Variants in LDHC observed in about 807,000 individuals in gnomAD.
LDHC encodes L-lactate dehydrogenase C chain.
A neutral mutation model predicts 30.2 loss-of-function variants in LDHC; 20 were observed. The ratio of observed to expected loss-of-function variants is 0.66; its 90% CI spans 0.47 to 0.96. The LOEUF (loss-of-function observed/expected upper bound fraction) is 0.96. LDHC is among the 40% of genes least tolerant of loss of function. LDHC has a pLI of 0.00. For missense variants in LDHC, 362 were observed against 394.9 expected (o/e 0.92, Z 0.71); for synonymous variants, 139 against 132.7 (o/e 1.05, Z -0.32).
intron 3 of LDHC, 56 bp from the exon 4 acceptor site, chr11:18,429,681 A>T: frequency 9.8e-7 from 1 of 1,019,292 alleles, no homozygotes. Context: ...TAAGGAGTTA[A>T]GGCACAGTGG....
chr11:18,422,101 A>C (rs183935476), intron 3 of LDHC, among the ~76,000 whole-genome samples: 1 of 152,174 alleles, frequency 6.6e-6, no homozygotes, highest in East Asian at 1.9e-4. Flanking sequence ...CTCCAGCCTA[A>C]GCGATGGAGC....
At chr11:18,429,603 C>A in intron 3 of LDHC, 134 bp from the exon 4 acceptor site, 1 of 466,564 alleles carries the variant, frequency 2.1e-6, no homozygotes, top group Admixed American at 4.0e-5. Flanking sequence ...GTCCGTTCAT[C>A]TCCAAAATGC....
At chr11:18,442,943 A>G (rs543515317) in intron 6 of LDHC, among the ~76,000 whole-genome samples, 6 of 152,092 alleles carry the variant, frequency 3.9e-5, no homozygotes, top group Admixed American at 3.3e-4. Context: ...CGCAGTTTTT[A>G]TATTTCTAAA....
chr11:18,450,852 G>T (rs539722337), intron 7 of LDHC, 111 bp from the exon 8 acceptor site: 2 of 739,868 alleles, frequency 2.7e-6, no homozygotes, highest in Non-Finnish European at 4.4e-6. Context: ...CCCTCTGAGC[G>T]ATTCTTGTTG....
chr11:18,449,336 A>C (rs1848614102), intron 7 of LDHC, among the ~76,000 whole-genome samples: 1 of 140,918 alleles, frequency 7.1e-6, no homozygotes, highest in Admixed American at 7.5e-5. Flanking sequence ...CTGCAGTGGG[A>C]GGATTGCTTA....
chr11:18,435,798 A>G (rs1848345995), intron 5 of LDHC, among the ~76,000 whole-genome samples: 1 of 152,070 alleles, frequency 6.6e-6, no homozygotes, highest in Non-Finnish European at 1.5e-5. Context: ...CCACTAATCT[A>G]CTTTCTCACT....
At chr11:18,424,880 T>C (rs1848133799) in intron 3 of LDHC, among the ~76,000 whole-genome samples, 1 of 151,986 alleles carries the variant, frequency 6.6e-6, no homozygotes, top group Non-Finnish European at 1.5e-5. Context: ...TGGTGGCACG[T>C]GCCTGTAATT....
At chr11:18,418,217 A>ATT (rs1867057509) in intron 3 of LDHC, among the ~76,000 whole-genome samples, 1 of 149,200 alleles carries the variant, frequency 6.7e-6, no homozygotes, top group African/African-American at 2.5e-5. Context: ...ATTATCTTTA[A>ATT]TTATATATAT....
rs144306480 is a variant in LDHC at position 18,429,825 on chromosome 11, A to C, written c.333A>C (p.Gln111His). Reference sequence around the variant, plus strand: ...GAGAAACTCGCCTTGCCCTGGTCCAACGTAATGTGGCTATAATGAAATCAA... The same window carrying C: ...GAGAAACTCGCCTTGCCCTGGTCCACCGTAATGTGGCTATAATGAAATCAA... Reference protein sequence around the residue: ...QEGETRLALVQRNVAIMKSII... With the variant: ...QEGETRLALVHRNVAIMKSII... The change falls in exon 4 of 8, where the codon CAA becomes CAC. Residue 111 changes from glutamine (Q) to histidine (H), a missense_variant. Transcript: ENST00000541669. 6.2e-7 allele frequency: 1 copy of C among 1,611,948 alleles called. No individual in the cohort carries two copies.
At chr11:18,423,424 T>C (rs116857807) in intron 3 of LDHC, among the ~76,000 whole-genome samples, 413 of 152,292 alleles carry the variant, frequency 2.7e-3, no homozygotes, top group Admixed American at 4.7e-3. Flanking sequence ...ATATAAAAGA[T>C]TGTTATATAA....
intron 5 of LDHC, among the ~76,000 whole-genome samples, chr11:18,436,997 C>G (rs1405084730): frequency 6.6e-6 from 1 of 152,050 alleles, no homozygotes; most frequent in Non-Finnish European, 1.5e-5. Context: ...TGTTGCTTAT[C>G]TTTATTTTCT....
intron 6 of LDHC, among the ~76,000 whole-genome samples, chr11:18,439,436 G>A (rs191473934): frequency 2.0e-3 from 303 of 151,480 alleles, no homozygotes; most frequent in Non-Finnish European, 2.9e-3. Flanking sequence ...GGTGATGGGC[G>A]CCTGTAATCC....
At chr11:18,420,002 G>T (rs981448880) in intron 3 of LDHC, among the ~76,000 whole-genome samples, 1 of 152,174 alleles carries the variant, frequency 6.6e-6, no homozygotes, top group Non-Finnish European at 1.5e-5. Flanking sequence ...TGAGGCAAGA[G>T]AATCACTTGA....
intron 4 of LDHC, among the ~76,000 whole-genome samples, chr11:18,431,526 T>C (rs1343703166): frequency 6.6e-6 from 1 of 151,974 alleles, no homozygotes; most frequent in African/African-American, 2.4e-5. Flanking sequence ...AATATCATTG[T>C]GTGTGTTTTT....
chr11:18,415,927 T>G (rs1474417506), intron 3 of LDHC, among the ~76,000 whole-genome samples: 1 of 152,204 alleles, frequency 6.6e-6, no homozygotes, highest in Non-Finnish European at 1.5e-5. Flanking sequence ...ACTCCTGACT[T>G]CAGGTGATCC....
chr11:18,429,816 C>T lies in LDHC; in HGVS notation c.324C>T (p.Ala108=). Residue 108 remains alanine (A), a synonymous_variant, in exon 4 of 8, where the codon GCC becomes GCT. Transcript: ENST00000541669. ...AGCAGGAGGGAGAAACTCGCCTTGC[C>T]CTGGTCCAACGTAATGTGGCTATAA... ...ARQQEGETRL[A]LVQRNVAIMK... is the part of the protein sequence containing the mutation. 6.2e-7 allele frequency: 1 copy of T among 1,611,664 alleles called. No individual in the cohort carries two copies. Among genetic ancestry groups the T allele is most frequent in the Non-Finnish European group, 8.5e-7 (1 of 1,177,906 alleles).
At position 18,415,176 on chromosome 11, in the gene LDHC, T is replaced by C; in HGVS notation, c.127-8T>C. ...GAACATTTTATTCAGAACTTTTGTA[T>C]ATTTTAGGATTTGGCTGATGAACTT... is the stretch of plus-strand genomic sequence containing the variant. On this transcript the variant is annotated splice_region_variant and splice_polypyrimidine_tract_variant and intron_variant, in intron 2 of 7. Coordinates refer to ENST00000541669, the MANE Select transcript of LDHC (RefSeq NM_017448.5). 6.6e-7 allele frequency: 1 copy of C among 1,516,940 alleles called. No individual in the cohort carries two copies. Among genetic ancestry groups the C allele is most frequent in the Non-Finnish European group, 9.1e-7 (1 of 1,101,192 alleles). The allele number at this position is 1,516,940 out of a possible 1,614,324, so 94.0% of individuals were successfully genotyped here.
chr11:18,416,834 T>G (rs141819772), intron 3 of LDHC, among the ~76,000 whole-genome samples: 147 of 143,202 alleles, frequency 1.0e-3, no homozygotes, highest in African/African-American at 3.3e-3. Flanking sequence ...CAGCCCTCCA[T>G]CCTTTCCTTT....
chr11:18,424,381 CA>C (rs111947706), intron 3 of LDHC, among the ~76,000 whole-genome samples: 2 of 148,486 alleles, frequency 1.3e-5, no homozygotes, highest in African/African-American at 2.5e-5. Flanking sequence ...AACTCTGTCT[CA>C]AAAAAAAACA....
Sources: allele counts gnomAD v4.1 joint callset (sites outside exome capture counted in the v4.1 genomes callset), GRCh38; gene constraint gnomAD v4.1.1; transcripts MANE v1.5; gene names NCBI Gene and HGNC (gene_info 2026-07-23, HGNC 2026-07-21).